The following CACNB4 variants were observed in gnomAD, a reference collection of about 807,000 sequenced individuals.
CACNB4 encodes calcium voltage-gated channel auxiliary subunit beta 4, also known as voltage-dependent L-type calcium channel subunit beta-4.
In CACNB4, 32 loss-of-function variants were observed where a neutral mutation model predicts 71.2. The ratio of observed to expected loss-of-function variants is 0.45; its 90% CI spans 0.34 to 0.60. The LOEUF (loss-of-function observed/expected upper bound fraction) is 0.60. CACNB4 is among the 20% of genes least tolerant of loss of function. CACNB4 has a pLI of 0.01. For missense variants in CACNB4, 464 were observed against 647.9 expected (o/e 0.72, Z 3.08); for synonymous variants, 231 against 236.9 (o/e 0.97, Z 0.23).
rs772445991 is a variant in CACNB4, at chr2:151,842,062, T to G, written c.1143A>C (p.Glu381Asp). ...PPEMFDVILD[E>D]NQLEDACEHL... is the part of the protein sequence containing the mutation. ...GTTCACATGCATCCTCAAGCTGATTTTCATCCAATATAACATCAAACATTT... is the reference window on the plus strand; with the variant it reads ...GTTCACATGCATCCTCAAGCTGATTGTCATCCAATATAACATCAAACATTT... Residue 381 changes from glutamate (E) to aspartate (D), a missense_variant, in exon 13 of 14, where the codon GAA (glutamate) becomes GAC (aspartate). Around this residue, in one of 3 missense-constraint regions of CACNB4, gnomAD observed 299 missense variants for 471.7 expected, o/e 0.63. Coordinates refer to ENST00000539935, the MANE Select transcript of CACNB4 (RefSeq NM_000726.5). 1 of 1,613,926 alleles carries G rather than the reference T, an allele frequency of 6.2e-7. No homozygotes were observed. The highest frequency in any genetic ancestry group is 1.7e-5 in the Admixed American group (1 of 60,022).
intron 2 of CACNB4, among the ~76,000 whole-genome samples, chr2:152,008,474 A>T (rs1025051106): frequency 2.0e-5 from 3 of 151,896 alleles, no homozygotes; most frequent in Non-Finnish European, 4.4e-5. Flanking sequence ...TTTAGTAGAG[A>T]CAGGGTTTCA....
At chr2:151,936,471 CTT>C (rs2099862945) in intron 2 of CACNB4, 1 of 152,212 alleles carries the variant, frequency 6.6e-6, no homozygotes, top group Admixed American at 6.5e-5. Flanking sequence ...GTACAAATAA[CTT>C]TGCTTTAATG....
intron 2 of CACNB4, among the ~76,000 whole-genome samples, chr2:151,905,740 TAA>T (rs1427610189): frequency 6.6e-6 from 1 of 152,144 alleles, no homozygotes; most frequent in Non-Finnish European, 1.5e-5. Context: ...GCTTGACAGC[TAA>T]AGAGATCAAC....
intron 2 of CACNB4, among the ~76,000 whole-genome samples, chr2:151,898,658 T>G (rs1039710895): frequency 1.3e-5 from 2 of 152,254 alleles, no homozygotes; most frequent in Non-Finnish European, 2.9e-5. Context: ...TTCTATGAGA[T>G]GCATGCCTTA....
At chr2:151,991,230 C>A (rs1475088880) in intron 2 of CACNB4, among the ~76,000 whole-genome samples, 3 of 152,144 alleles carry the variant, frequency 2.0e-5, no homozygotes, top group Admixed American at 6.5e-5. Context: ...ACTCAGAGTT[C>A]GGCTCCAGAC....
At chr2:151,872,092 T>C (rs573190712) in intron 6 of CACNB4, 7 of 272,064 alleles carry the variant, frequency 2.6e-5, no homozygotes, top group Non-Finnish European at 3.5e-5. Context: ...TTCCTTTTTT[T>C]ATTGGCCTTC....
intron 2 of CACNB4, among the ~76,000 whole-genome samples, chr2:151,896,059 C>T (rs2099851977): frequency 6.6e-6 from 1 of 152,074 alleles, no homozygotes; most frequent in South Asian, 2.1e-4. Flanking sequence ...TTGGCCGGGG[C>T]TGCTCTGAAC....
intron 2 of CACNB4, 48 bp from the exon 3 acceptor site, chr2:151,883,418 T>C (rs1255709930): frequency 1.2e-6 from 2 of 1,603,942 alleles, no homozygotes; most frequent in Non-Finnish European, 1.7e-6. Context: ...GCTTCTTAAA[T>C]TGTCACATCC....
intron 2 of CACNB4, among the ~76,000 whole-genome samples, chr2:152,031,642 G>T (rs1001486488): frequency 1.3e-5 from 2 of 152,050 alleles, no homozygotes; most frequent in South Asian, 2.1e-4. Context: ...CTTAATCCTA[G>T]GCTTTCTCCC....
chr2:152,057,601 T>C (rs1298279125), intron 2 of CACNB4, among the ~76,000 whole-genome samples: 1 of 152,178 alleles, frequency 6.6e-6, no homozygotes. Context: ...CACTAGATTG[T>C]ATTACTCAGT....
intron 12 of CACNB4, among the ~76,000 whole-genome samples, chr2:151,848,481 G>A (rs2099838179): frequency 6.6e-6 from 1 of 152,160 alleles, no homozygotes; most frequent in Admixed American, 6.5e-5. Context: ...AGAGGGCAGT[G>A]GAAAATTACT....
intron 2 of CACNB4, among the ~76,000 whole-genome samples, chr2:151,907,292 A>G (rs1431192294): frequency 6.6e-6 from 1 of 152,172 alleles, no homozygotes; most frequent in Non-Finnish European, 1.5e-5. Flanking sequence ...TTATGTTCAT[A>G]TTTTTTCCTG....
intron 2 of CACNB4, among the ~76,000 whole-genome samples, chr2:151,920,339 TG>T (rs1258514981): frequency 5.6e-5 from 6 of 106,378 alleles, no homozygotes; most frequent in African/African-American, 5.6e-5. Flanking sequence ...TTTTTTTTTT[TG>T]AGACAGGTTC....
intron 2 of CACNB4, among the ~76,000 whole-genome samples, chr2:152,059,414 A>T (rs1267423690): frequency 1.3e-5 from 2 of 152,240 alleles, no homozygotes; most frequent in Non-Finnish European, 2.9e-5. Flanking sequence ...CACCTCTTGC[A>T]ATAATATCAC....
intron 2 of CACNB4, among the ~76,000 whole-genome samples, chr2:151,886,108 T>C (rs1457023373): frequency 6.6e-6 from 1 of 152,152 alleles, no homozygotes; most frequent in East Asian, 1.9e-4. Context: ...CCGCTGTGCC[T>C]GACCCAGTGT....
At chr2:152,056,816 T>C (rs191915687) in intron 2 of CACNB4, among the ~76,000 whole-genome samples, 3 of 152,344 alleles carry the variant, frequency 2.0e-5, no homozygotes, top group Admixed American at 2.0e-4. Flanking sequence ...GATTATCCTA[T>C]GGATACTGTT....
At chr2:152,093,837 A>C (rs1287131919) in intron 2 of CACNB4, among the ~76,000 whole-genome samples, 2 of 152,208 alleles carry the variant, frequency 1.3e-5, no homozygotes, top group Admixed American at 1.3e-4. Context: ...CACAGAAATA[A>C]AAAATTGTTG....
intron 2 of CACNB4, among the ~76,000 whole-genome samples, chr2:151,932,533 T>C (rs1252898532): frequency 6.6e-6 from 1 of 152,124 alleles, no homozygotes; most frequent in Non-Finnish European, 1.5e-5. Context: ...ATCTCAGATG[T>C]GATCTGATTT....
At chr2:151,844,973 A>G (rs2099837158) in intron 12 of CACNB4, among the ~76,000 whole-genome samples, 2 of 152,082 alleles carry the variant, frequency 1.3e-5, no homozygotes, top group African/African-American at 2.4e-5. Context: ...AAACTGAAAA[A>G]CCTTCCAAGG....
Sources: allele counts gnomAD v4.1 joint callset (sites outside exome capture counted in the v4.1 genomes callset), GRCh38; gene constraint gnomAD v4.1.1; regional missense constraint gnomAD v4.1.1; transcripts MANE v1.5; gene names NCBI Gene and HGNC (gene_info 2026-07-23, HGNC 2026-07-21).